The following CTNNA3 variants were observed in gnomAD, a reference collection of about 807,000 sequenced individuals.
The protein encoded by CTNNA3 is catenin alpha 3, also known as catenin alpha-3.
In CTNNA3, 76 loss-of-function variants were observed where a neutral mutation model predicts 95.7. That is an observed-to-expected ratio of 0.79 (90% CI 0.66 to 0.96). The LOEUF (loss-of-function observed/expected upper bound fraction) is 0.96. Among genes scored for constraint, CTNNA3 ranks in the 40% least tolerant of loss-of-function variants. The pLI is 0.00. For synonymous variants in CTNNA3, 431 were observed against 374.4 expected (o/e 1.15, Z -1.74); for missense variants, 1,191 against 1,089.8 (o/e 1.09, Z -1.31).
At chr10:66,531,617 AAT>A (rs1024350182) in intron 10 of CTNNA3, among the ~76,000 whole-genome samples, 1 of 152,184 alleles carries the variant, frequency 6.6e-6, no homozygotes, top group African/African-American at 2.4e-5. Context: ...ACTATACACA[AAT>A]ATATATACAC....
At chr10:66,565,070 C>G (rs985211629) in intron 10 of CTNNA3, among the ~76,000 whole-genome samples, 1 of 152,094 alleles carries the variant, frequency 6.6e-6, no homozygotes, top group Admixed American at 6.6e-5. Context: ...ATTACTGAGT[C>G]ATAAAACAAT....
intron 3 of CTNNA3, among the ~76,000 whole-genome samples, chr10:67,579,488 A>C (rs1842302509): frequency 2.0e-5 from 3 of 152,070 alleles, no homozygotes; most frequent in African/African-American, 2.4e-5. Flanking sequence ...AGTCTTTGCT[A>C]TTGTGAATAG....
At chr10:66,392,205 C>A (rs2092938859) in intron 11 of CTNNA3, among the ~76,000 whole-genome samples, 1 of 151,906 alleles carries the variant, frequency 6.6e-6, no homozygotes, top group Non-Finnish European at 1.5e-5. Flanking sequence ...CTGAGGAGGG[C>A]AGATCACAAG....
At chr10:67,303,454 T>C (rs1038208274) in intron 5 of CTNNA3, among the ~76,000 whole-genome samples, 4 of 152,238 alleles carry the variant, frequency 2.6e-5, no homozygotes, top group Admixed American at 1.3e-4. Context: ...AGAAGAAAGA[T>C]GTATCTGAAG....
chr10:66,475,145 C>A (rs1174256643), intron 11 of CTNNA3, among the ~76,000 whole-genome samples: 1 of 151,878 alleles, frequency 6.6e-6, no homozygotes, highest in South Asian at 2.1e-4. Context: ...TTGACCAAAC[C>A]AAAGTCATAA....
chr10:66,128,094 T>G (rs1768501840), intron 13 of CTNNA3, among the ~76,000 whole-genome samples: 1 of 152,032 alleles, frequency 6.6e-6, no homozygotes, highest in Admixed American at 6.6e-5. Context: ...GAAAAACAGT[T>G]AGAACTGTTT....
chr10:66,101,162 C>T (rs1037989), intron 14 of CTNNA3, among the ~76,000 whole-genome samples: 151,846 of 152,310 alleles, frequency 1, 75,694 homozygotes, highest in Middle Eastern at 1. Context: ...TCAATTTCCA[C>T]TCATAAGATG....
intron 9 of CTNNA3, among the ~76,000 whole-genome samples, chr10:66,750,846 G>A (rs1203808501): frequency 2.0e-5 from 3 of 152,114 alleles, no homozygotes; most frequent in African/African-American, 2.4e-5. Context: ...CCACAAATAT[G>A]GAGTATCTCC....
intron 7 of CTNNA3, among the ~76,000 whole-genome samples, chr10:66,948,944 C>T (rs1164898873): frequency 2.6e-5 from 4 of 152,128 alleles, no homozygotes; most frequent in Admixed American, 6.5e-5. Context: ...AGAACAAAGA[C>T]ATAATTCCAG....
intron 9 of CTNNA3, among the ~76,000 whole-genome samples, chr10:66,701,341 G>C (rs1245389251): frequency 6.6e-6 from 1 of 152,026 alleles, no homozygotes; most frequent in Non-Finnish European, 1.5e-5. Flanking sequence ...GACTATTCTA[G>C]GTCCTTTGCA....
chr10:67,540,822 T>C (rs1182594289), intron 3 of CTNNA3, among the ~76,000 whole-genome samples: 2 of 152,008 alleles, frequency 1.3e-5, no homozygotes, highest in Non-Finnish European at 2.9e-5. Flanking sequence ...CCTTTCATAC[T>C]GGGAAACAGA....
In CTNNA3 at chr10:67,299,255, C is replaced by T. The variant is rs116046980; in HGVS notation, c.580-79385G>A. ...GTGAAAAATGTCATTCCAGGAGCTT[C>T]TGCTTGGCCCTTTCTTATCATAATA... On this transcript the variant is annotated intron_variant, in intron 5 of 17. Coordinates refer to ENST00000433211, the MANE Select transcript of CTNNA3 (RefSeq NM_013266.4). 2.9e-3 allele frequency among the ~76,000 whole-genome samples: 435 copies of T among 152,092 alleles called. 3 individuals are homozygous for T. Among genetic ancestry groups the T allele is most frequent in the African/African-American group, 0.01 (415 of 41,490 alleles).
At chr10:67,277,701 G>C (rs552245288) in intron 5 of CTNNA3, among the ~76,000 whole-genome samples, 5 of 152,034 alleles carry the variant, frequency 3.3e-5, no homozygotes, top group Non-Finnish European at 7.4e-5. Context: ...AATGAAGATG[G>C]CATCAAAAGT....
At chr10:66,156,569 G>A (rs1455608713) in intron 13 of CTNNA3, among the ~76,000 whole-genome samples, 2 of 151,786 alleles carry the variant, frequency 1.3e-5, no homozygotes, top group African/African-American at 2.4e-5. Context: ...TTGCAATCTA[G>A]TTAGGGAAAC....
intron 7 of CTNNA3, among the ~76,000 whole-genome samples, chr10:66,864,936 T>C (rs1844105824): frequency 6.6e-6 from 1 of 152,144 alleles, no homozygotes; most frequent in African/African-American, 2.4e-5. Context: ...TGTATACATT[T>C]AGATATTTTA....
At chr10:66,866,200 C>T (rs142402008) in intron 7 of CTNNA3, among the ~76,000 whole-genome samples, 31 of 152,294 alleles carry the variant, frequency 2.0e-4, no homozygotes, top group African/African-American at 6.7e-4. Context: ...CACAGCCTAA[C>T]CTCAGGACTC....
intron 7 of CTNNA3, among the ~76,000 whole-genome samples, chr10:66,854,917 T>C (rs532760551): frequency 6.6e-6 from 1 of 152,010 alleles, no homozygotes; most frequent in Admixed American, 6.6e-5. Context: ...CAGAGTACTT[T>C]ACTTAACCTC....
At chr10:66,280,712 A>G in intron 12 of CTNNA3, 91 bp from the exon 13 acceptor site, 1 of 939,124 alleles carries the variant, frequency 1.1e-6, no homozygotes, top group South Asian at 1.9e-5. Context: ...TTGGTTTTAA[A>G]CAAATATTTG....
chr10:67,526,928 G>A lies in CTNNA3; in HGVS notation c.460-4967C>T, dbSNP rs181041432. ...GTGAGAAACATCACATTTATGGTGA[G>A]GCTTGGGTGGAAAAATGACGAAATC... On this transcript the variant is annotated intron_variant, in intron 4 of 17. Coordinates refer to ENST00000433211, the MANE Select transcript of CTNNA3 (RefSeq NM_013266.4). Among the ~76,000 whole-genome samples, 9 of 152,306 alleles carry A rather than the reference G, an allele frequency of 5.9e-5. No individual in the cohort carries two copies. In the East Asian group the frequency reaches 1.7e-3, roughly 29 times the overall value.
Sources: allele counts gnomAD v4.1 joint callset (sites outside exome capture counted in the v4.1 genomes callset), GRCh38; gene constraint gnomAD v4.1.1; transcripts MANE v1.5; gene names NCBI Gene and HGNC (gene_info 2026-07-23, HGNC 2026-07-21).